TRABD2A: variants seen among roughly 807,000 people sequenced by gnomAD.
The protein encoded by TRABD2A is metalloprotease TIKI1.
Under a neutral mutation model 45.6 loss-of-function variants are expected in TRABD2A, and 43 were observed. That is an observed-to-expected ratio of 0.94 (90% CI 0.74 to 1.22). The LOEUF (loss-of-function observed/expected upper bound fraction) is 1.22. Ranked by LOEUF, TRABD2A falls within the 50% of genes most tolerant of loss-of-function variation. The pLI is 0.00. For synonymous variants in TRABD2A, 269 were observed against 265.0 expected (o/e 1.02, Z -0.15); for missense variants, 642 against 652.4 (o/e 0.98, Z 0.17).
chr2:84,827,462 A>G (rs1397228191), intron 5 of TRABD2A, among the ~76,000 whole-genome samples: 2 of 152,176 alleles, frequency 1.3e-5, no homozygotes, highest in Admixed American at 1.3e-4. Context: ...CACACAGTAG[A>G]TCCTTACTTC....
chr2:84,859,410 C>A (rs757891432), intron 2 of TRABD2A, among the ~76,000 whole-genome samples: 1 of 152,236 alleles, frequency 6.6e-6, no homozygotes, highest in Non-Finnish European at 1.5e-5. Context: ...AAGATCCTTG[C>A]TCTCTAGAAG....
chr2:84,878,332 C>T (rs748853389), intron 1 of TRABD2A, among the ~76,000 whole-genome samples: 1 of 152,138 alleles, frequency 6.6e-6, no homozygotes, highest in Non-Finnish European at 1.5e-5. Flanking sequence ...CGAGACCAGC[C>T]TGCTCAAGAT....
rs1430392073 is a variant in TRABD2A at position 84,830,335 on chromosome 2, T to TA, written c.1082+1719dup. ...CCTCAGAAGGGGGAAGTAGCGTCAG[T>TA]AAAGGAGAGGCGGGGACGGGATGGA... On this transcript the variant is annotated intron_variant, in intron 5 of 6. Coordinates refer to ENST00000409520, the MANE Select transcript of TRABD2A (RefSeq NM_001277053.2). This position sits in a 1 kb window ranked among gnomAD's most constrained non-coding sequence, Gnocchi z 4.9. Among the ~76,000 whole-genome samples the TA allele has an allele frequency of 2.0e-5, 3 of 151,734 alleles. No individual in the cohort carries two copies. The highest frequency in any genetic ancestry group is 7.3e-5 in the African/African-American group (3 of 41,274).
intron 2 of TRABD2A, among the ~76,000 whole-genome samples, chr2:84,856,878 T>G (rs1682328687): frequency 6.6e-6 from 1 of 152,174 alleles, no homozygotes; most frequent in Non-Finnish European, 1.5e-5. Flanking sequence ...TAACCTCCCA[T>G]GTCACCATAT....
intron 5 of TRABD2A, among the ~76,000 whole-genome samples, chr2:84,825,753 G>T (rs1681128389): frequency 6.6e-6 from 1 of 152,236 alleles, no homozygotes; most frequent in South Asian, 2.1e-4. Flanking sequence ...CACACAGCAG[G>T]ATGTGAGTGG....
Position 84,839,149 on chromosome 2 carries a change from C to G in TRABD2A, c.991G>C (p.Gly331Arg), listed in dbSNP as rs1681619792. ...DKGFFFAFGA[G>R]HFMGNNTVLD... ...TAATCAGAGGTGACCCACTACTCAC[C>G]AGCTCCAAAGGCAAAGAAGAAGCCT... The change falls in exon 4 of 7, where the codon GGT becomes CGT. Residue 331 changes from glycine (G) to arginine (R), a missense_variant and splice_region_variant. Physicochemically the swap from Gly to Arg is moderately radical, Grantham distance 125 (BLOSUM62 -2). Coordinates refer to ENST00000409520, the MANE Select transcript of TRABD2A (RefSeq NM_001277053.2). The G allele has an allele frequency of 6.2e-7, 1 of 1,613,862 alleles. No individual in the cohort carries two copies. The highest frequency in any genetic ancestry group is 8.5e-7 in the Non-Finnish European group (1 of 1,179,850).
chr2:84,841,665 C>T (rs1350896625), intron 3 of TRABD2A, among the ~76,000 whole-genome samples, 196 bp downstream of exon 3: 1 of 152,202 alleles, frequency 6.6e-6, no homozygotes, highest in Non-Finnish European at 1.5e-5. Context: ...ATCAATGCCC[C>T]TCTCTGTTCT....
chr2:84,828,974 C>T (rs75116615), intron 5 of TRABD2A, among the ~76,000 whole-genome samples: 1,917 of 151,866 alleles, frequency 0.013, 34 homozygotes, highest in African/African-American at 0.043. Context: ...GGAAACTGCA[C>T]GAACAAAGAC....
intron 2 of TRABD2A, among the ~76,000 whole-genome samples, chr2:84,863,366 T>A: frequency 6.8e-6 from 1 of 146,418 alleles, no homozygotes; most frequent in Non-Finnish European, 1.5e-5. Flanking sequence ...TGCCTCAGCC[T>A]CCCAAGTAGC....
At chr2:84,838,069 C>T in intron 4 of TRABD2A, 1 of 590,882 alleles carries the variant, frequency 1.7e-6, no homozygotes, top group Non-Finnish European at 3.1e-6. Context: ...TGAAGACAAG[C>T]TTGGGAATGG....
intron 1 of TRABD2A, among the ~76,000 whole-genome samples, chr2:84,873,366 G>A (rs1559099787): frequency 1.3e-5 from 2 of 151,874 alleles, no homozygotes; most frequent in Non-Finnish European, 2.9e-5. Flanking sequence ...GTTTCAGTGA[G>A]CCAAGATCCC....
chr2:84,848,513 A>G (rs1338182090), intron 2 of TRABD2A, among the ~76,000 whole-genome samples: 1 of 148,118 alleles, frequency 6.8e-6, no homozygotes, highest in Non-Finnish European at 1.5e-5. Flanking sequence ...CTGAAAATAT[A>G]TTTTATATAT....
chr2:84,853,852 T>C (rs189446051), intron 2 of TRABD2A, among the ~76,000 whole-genome samples: 2 of 152,294 alleles, frequency 1.3e-5, no homozygotes, highest in African/African-American at 4.8e-5. Context: ...AAACTCCATC[T>C]GTACTAAAAA....
Position 84,870,760 on chromosome 2 carries a change from C to A in TRABD2A, c.134G>T (p.Trp45Leu). 4 of 1,590,786 alleles carry A rather than the reference C, an allele frequency of 2.5e-6. No individual in the cohort carries two copies. Among genetic ancestry groups the A allele is most frequent in the Non-Finnish European group, 3.4e-6 (4 of 1,168,250 alleles). Residue 45 changes from tryptophan (W) to leucine (L), a missense_variant, in exon 2 of 7, where the codon TGG (tryptophan) becomes TTG (leucine). Coordinates refer to ENST00000409520, the MANE Select transcript of TRABD2A (RefSeq NM_001277053.2). ...PQQSELNSFLWTIKRDPPSYF... is the reference protein window; with the variant it reads ...PQQSELNSFLLTIKRDPPSYF... ...AGATGGTGGGTCTCGCTTAATGGTC[C>A]ACAAGAAGGAATTCAGCTCGCTTTG... is the stretch of plus-strand genomic sequence containing the variant.
chr2:84,865,507 T>C (rs1399853828), intron 2 of TRABD2A, among the ~76,000 whole-genome samples: 1 of 152,172 alleles, frequency 6.6e-6, no homozygotes, highest in African/African-American at 2.4e-5. Context: ...AGGCTTTGCA[T>C]GTGGAAAGCA....
intron 2 of TRABD2A, among the ~76,000 whole-genome samples, chr2:84,848,328 TGATAGATA>T (rs58667309): frequency 0.16 from 19,858 of 125,720 alleles, 1,829 homozygotes; most frequent in Non-Finnish European, 0.17. Context: ...CACATAAAAA[TGATAGATA>T]GATAGATAGA....
intron 1 of TRABD2A, among the ~76,000 whole-genome samples, chr2:84,876,401 G>C (rs1044424101): frequency 2.6e-5 from 4 of 152,238 alleles, no homozygotes; most frequent in African/African-American, 9.6e-5. Context: ...CAGCAAGGTT[G>C]CTGGGAAAAT....
chr2:84,877,327 A>G (rs988732503), intron 1 of TRABD2A, among the ~76,000 whole-genome samples: 3 of 152,080 alleles, frequency 2.0e-5, no homozygotes, highest in African/African-American at 4.8e-5. Context: ...ACCCCATTTC[A>G]CTGTTAAAAT....
chr2:84,826,060 C>G (rs1681136690), intron 5 of TRABD2A, among the ~76,000 whole-genome samples: 1 of 152,140 alleles, frequency 6.6e-6, no homozygotes, highest in Non-Finnish European at 1.5e-5. Flanking sequence ...TCAGGTAGCT[C>G]CATGCCCATC....
Sources: allele counts gnomAD v4.1 joint callset (sites outside exome capture counted in the v4.1 genomes callset), GRCh38; gene constraint gnomAD v4.1.1; non-coding constraint Gnocchi (gnomAD v3.1); transcripts MANE v1.5; gene names NCBI Gene and HGNC (gene_info 2026-07-23, HGNC 2026-07-21).